Variants in TENM3 observed in about 807,000 individuals in gnomAD.
The protein encoded by TENM3 is teneurin transmembrane protein 3.
Under a neutral mutation model 255.1 loss-of-function variants are expected in TENM3, and 63 were observed. That is an observed-to-expected ratio of 0.25 (90% CI 0.20 to 0.30). The LOEUF (loss-of-function observed/expected upper bound fraction) is 0.30. Among genes scored for constraint, TENM3 ranks in the 10% least tolerant of loss-of-function variants. TENM3 has a pLI of 1.00. For synonymous variants in TENM3, 1,306 were observed against 1,322.3 expected (o/e 0.99, Z 0.27); for missense variants, 2,929 against 3,461.1 (o/e 0.85, Z 3.86).
At chr4:181,526,595 T>C in the TENM3 span, among the ~76,000 whole-genome samples, 3 of 152,326 alleles carry the variant, frequency 2.0e-5, no homozygotes, top group African/African-American at 7.2e-5. Context: ...TCTGGTCCTT[T>C]GCACTCTTCG....
At chr4:181,645,477 C>T in the TENM3 span, among the ~76,000 whole-genome samples, 5 of 152,290 alleles carry the variant, frequency 3.3e-5, no homozygotes, top group East Asian at 9.6e-4. Context: ...ATTTGGTCCC[C>T]GGTCATCTCA....
the TENM3 span, among the ~76,000 whole-genome samples, chr4:181,706,864 G>T: frequency 1.3e-5 from 2 of 152,180 alleles, no homozygotes; most frequent in Non-Finnish European, 2.9e-5. Flanking sequence ...ACATTTGTTA[G>T]CTCATTTCTT....
chr4:182,357,966 A>G (rs1765680687), intron 3 of TENM3, among the ~76,000 whole-genome samples: 2 of 150,226 alleles, frequency 1.3e-5, no homozygotes, highest in African/African-American at 4.9e-5. Context: ...ACCATTTATT[A>G]AATAGGGAAT....
In TENM3 at chr4:182,800,088, C is replaced by T. The variant is rs1443519188; in HGVS notation, c.7837C>T (p.Leu2613=). Residue 2613 remains leucine, a synonymous_variant, in exon 28 of 28, where the codon CTG becomes TTG. Coordinates refer to ENST00000511685, the MANE Select transcript of TENM3 (RefSeq NM_001080477.4). The stretch of plus-strand genomic sequence containing the variant: ...GCTGCACGTGCGCTACGGCATGACC[C>T]TGGACGAGGAGAAGGCGCGCATCCT... ...LALHVRYGMT[L]DEEKARILEQ... 1 of 1,589,952 alleles carries T rather than the reference C, an allele frequency of 6.3e-7. No homozygotes were observed. The highest frequency in any genetic ancestry group is 1.4e-5 in the African/African-American group (1 of 74,012).
At chr4:182,062,702 G>A in the TENM3 span, among the ~76,000 whole-genome samples, 1 of 152,186 alleles carries the variant, frequency 6.6e-6, no homozygotes, top group African/African-American at 2.4e-5. Flanking sequence ...CACATTCTCA[G>A]ATTAACGGTT....
the TENM3 span, among the ~76,000 whole-genome samples, chr4:181,795,623 G>A: frequency 6.6e-6 from 1 of 152,154 alleles, no homozygotes; most frequent in Non-Finnish European, 1.5e-5. Context: ...TCACCAAGTG[G>A]CTGATGTAAT....
chr4:181,859,114 C>T, the TENM3 span, among the ~76,000 whole-genome samples: 13 of 151,616 alleles, frequency 8.6e-5, no homozygotes, highest in East Asian at 3.9e-4. Flanking sequence ...TTTGGCCACG[C>T]GCCTGTAGTC....
chr4:182,110,085 G>C, the TENM3 span, among the ~76,000 whole-genome samples: 1 of 142,738 alleles, frequency 7.0e-6, no homozygotes, highest in Non-Finnish European at 1.5e-5. Context: ...CTGCACTCCA[G>C]CCTGGGAGAC....
chr4:181,982,593 A>G, the TENM3 span, among the ~76,000 whole-genome samples: 1 of 152,134 alleles, frequency 6.6e-6, no homozygotes, highest in African/African-American at 2.4e-5. Context: ...GTAATTTACT[A>G]AATTGCATAC....
chr4:182,361,130 C>T (rs1765945710), intron 3 of TENM3, among the ~76,000 whole-genome samples: 1 of 152,138 alleles, frequency 6.6e-6, no homozygotes, highest in Admixed American at 6.5e-5. Flanking sequence ...GGTAACCCGA[C>T]CTTTCTCTCT....
rs1316914197 is a variant in TENM3, at chr4:182,669,629, T to C, written c.1112-3376T>C. ...AACTTATAAAAATAAGTATAAACTT[T>C]ATGTCCTGACATTGTAAGTATATTC... On this transcript the variant is annotated intron_variant, in intron 6 of 27. Coordinates refer to ENST00000511685, the MANE Select transcript of TENM3 (RefSeq NM_001080477.4). 3.3e-5 allele frequency among the ~76,000 whole-genome samples: 5 copies of C among 152,350 alleles called. No individual in the cohort carries two copies. In the East Asian group the frequency reaches 5.8e-4, roughly 18 times the overall value.
chr4:182,512,083 A>G (rs1158878787), intron 3 of TENM3, among the ~76,000 whole-genome samples: 1 of 152,182 alleles, frequency 6.6e-6, no homozygotes, highest in African/African-American at 2.4e-5. Context: ...CTCCTGGGAT[A>G]GTGAAAGTAA....
intron 2 of TENM3, among the ~76,000 whole-genome samples, chr4:182,329,493 C>T (rs1430820930): frequency 6.6e-6 from 1 of 152,136 alleles, no homozygotes; most frequent in Non-Finnish European, 1.5e-5. Context: ...AACACGATTT[C>T]CCGCTCTTTC....
chr4:182,358,088 G>C (rs1170202943), intron 3 of TENM3, among the ~76,000 whole-genome samples: 1 of 151,646 alleles, frequency 6.6e-6, no homozygotes, highest in South Asian at 2.1e-4. Flanking sequence ...TCTCTGTTTT[G>C]GTACCAGTAC....
At chr4:182,322,966 C>T (rs147390016) in intron 1 of TENM3, among the ~76,000 whole-genome samples, 1 of 151,944 alleles carries the variant, frequency 6.6e-6, no homozygotes. Flanking sequence ...GAGGAAAACA[C>T]GAAGGGCTGA....
the TENM3 span, among the ~76,000 whole-genome samples, chr4:181,826,996 T>C: frequency 6.6e-6 from 1 of 152,198 alleles, no homozygotes; most frequent in Admixed American, 6.5e-5. Context: ...CAGGAGGCTA[T>C]GCTCTGATTT....
the TENM3 span, among the ~76,000 whole-genome samples, chr4:182,049,444 A>G: frequency 6.6e-6 from 1 of 152,152 alleles, no homozygotes; most frequent in Non-Finnish European, 1.5e-5. Flanking sequence ...CACTTCAGCT[A>G]TTCTGCTCTT....
At chr4:181,754,418 C>A in the TENM3 span, among the ~76,000 whole-genome samples, 2 of 151,814 alleles carry the variant, frequency 1.3e-5, no homozygotes, top group South Asian at 2.1e-4. Context: ...AAAATACAAA[C>A]ACTATGCTTT....
At chr4:181,625,058 G>A in the TENM3 span, among the ~76,000 whole-genome samples, 3 of 152,202 alleles carry the variant, frequency 2.0e-5, no homozygotes, top group Middle Eastern at 3.2e-3. Context: ...CTTTCCCTGC[G>A]TTTTGTTCAC....
Sources: allele counts gnomAD v4.1 joint callset (sites outside exome capture counted in the v4.1 genomes callset), GRCh38; gene constraint gnomAD v4.1.1; transcripts MANE v1.5; gene names NCBI Gene and HGNC (gene_info 2026-07-23, HGNC 2026-07-21).